Variants in DCAKD observed in about 807,000 individuals in gnomAD.
DCAKD encodes the protein dephospho-CoA kinase domain-containing protein.
In DCAKD, 15 loss-of-function variants were observed where a neutral mutation model predicts 18.7. The observed-to-expected ratio is 0.80, with a 90% confidence interval of 0.54 to 1.24. The LOEUF is 1.24. Among genes scored for constraint, DCAKD ranks in the 50% most tolerant of loss-of-function variants. The pLI, the probability that DCAKD is intolerant of heterozygous loss-of-function variation, is 0.00. For missense variants in DCAKD, 301 were observed against 322.0 expected (o/e 0.93, Z 0.50); for synonymous variants, 130 against 133.0 (o/e 0.98, Z 0.16).
At chr17:45,045,309 C>G (rs1409896311) in intron 1 of DCAKD, among the ~76,000 whole-genome samples, 2 of 152,218 alleles carry the variant, frequency 1.3e-5, no homozygotes, top group African/African-American at 4.8e-5. Flanking sequence ...CTTCACAGCG[C>G]TGACCAACGT....
At chr17:45,053,088 G>A (rs554404279), upstream of DCAKD, among the ~76,000 whole-genome samples, 27 of 146,342 alleles carry the variant, frequency 1.8e-4, 1 homozygote, top group South Asian at 2.4e-3. Flanking sequence ...GCTTGAACCC[G>A]GGAGGTGGAG....
At chr17:45,055,362 G>A (rs1363437481), upstream of DCAKD, among the ~76,000 whole-genome samples, 2 of 149,702 alleles carry the variant, frequency 1.3e-5, no homozygotes, top group African/African-American at 2.5e-5. Flanking sequence ...TTTTCTGTAC[G>A]TTTATTTATT....
chr17:45,040,455 A>C (rs1230333077), intron 1 of DCAKD, among the ~76,000 whole-genome samples: 3 of 151,926 alleles, frequency 2.0e-5, no homozygotes, highest in African/African-American at 7.3e-5. Flanking sequence ...TGGCCTGGGA[A>C]TCTTCCTCCT....
At chr17:45,055,029 G>T (rs568094691), upstream of DCAKD, among the ~76,000 whole-genome samples, 1 of 152,216 alleles carries the variant, frequency 6.6e-6, no homozygotes, top group East Asian at 1.9e-4. Context: ...ATAGGAAAGG[G>T]TGAAGGGCTG....
At chr17:45,058,753 C>CT (rs1038605457) in intron 1 of DCAKD, among the ~76,000 whole-genome samples, 2 of 151,820 alleles carry the variant, frequency 1.3e-5, no homozygotes, top group South Asian at 2.1e-4. Flanking sequence ...TACCTCTGAC[C>CT]CCCCCCTTCC....
intron 1 of DCAKD, among the ~76,000 whole-genome samples, chr17:45,040,102 A>C (rs1438625633): frequency 6.6e-6 from 1 of 150,736 alleles, no homozygotes; most frequent in African/African-American, 2.5e-5. Context: ...CTCAAAAAAA[A>C]AAAGGCCGGG....
At chr17:45,050,436 GA>G (rs1390880672) in intron 1 of DCAKD, among the ~76,000 whole-genome samples, 1 of 152,096 alleles carries the variant, frequency 6.6e-6, no homozygotes, top group Non-Finnish European at 1.5e-5. Flanking sequence ...CAGGCACCAA[GA>G]GGGGCTCGGA....
intron 1 of DCAKD, among the ~76,000 whole-genome samples, chr17:45,036,246 G>C (rs1473177275): frequency 6.6e-6 from 1 of 152,270 alleles, no homozygotes; most frequent in Non-Finnish European, 1.5e-5. Flanking sequence ...GCTGGGCGTA[G>C]TGGCTCACGC....
In DCAKD at chr17:45,030,105, C is replaced by T. The variant is rs150982403; in HGVS notation, c.391G>A (p.Val131Met). The T allele has an allele frequency of 4.5e-5, 73 of 1,613,788 alleles. No individual in the cohort carries two copies. The highest frequency in any genetic ancestry group is 5.8e-5 in the Non-Finnish European group (68 of 1,179,818). ...KKLLKYMKHTVVVYCDRDTQL... is the reference protein window; with the variant it reads ...KKLLKYMKHTMVVYCDRDTQL... ...CTACACACTCACCAGTATACTACCACGGTGTGCTTCATGTACTTGAGCAAC... is the reference window on the plus strand; with the variant it reads ...CTACACACTCACCAGTATACTACCATGGTGTGCTTCATGTACTTGAGCAAC... Residue 131 changes from valine to methionine, a missense_variant, in exon 4 of 5, where the codon GTG becomes ATG. By Grantham distance (21) the Val-to-Met change is conservative. Transcript: ENST00000651974.
In DCAKD at chr17:45,034,355, C is replaced by A; in HGVS notation, c.148G>T (p.Val50Leu). Residue 50 changes from valine (V) to leucine (L), a missense_variant, in exon 3 of 5, where the codon GTA becomes TTA. By Grantham distance (32) the Val-to-Leu change is conservative. Transcript: ENST00000651974. ...QPGYPAHRRI[V>L]EVFGTEVLLE... ...AAGACCTCAGTGCCGAAGACCTCTA[C>A]GATGCGCCGGTGGGCAGGGTATCCT... The A allele has an allele frequency of 6.2e-7, 1 of 1,613,998 alleles. No homozygotes were observed. Among genetic ancestry groups the A allele is most frequent in the Non-Finnish European group, 8.5e-7 (1 of 1,180,048 alleles).
chr17:45,032,811 C>T (rs1331893245), intron 3 of DCAKD, among the ~76,000 whole-genome samples: 1 of 151,728 alleles, frequency 6.6e-6, no homozygotes, highest in Non-Finnish European at 1.5e-5. Context: ...CCTATACCCT[C>T]GTGGAAGGAG....
At chr17:45,049,156 G>A (rs2053635782) in intron 1 of DCAKD, among the ~76,000 whole-genome samples, 1 of 152,006 alleles carries the variant, frequency 6.6e-6, no homozygotes, top group Admixed American at 6.6e-5. Context: ...AAGGAAAAAG[G>A]GCCAAGCATG....
intron 1 of DCAKD, among the ~76,000 whole-genome samples, chr17:45,047,506 T>C (rs947815371): frequency 2.7e-4 from 39 of 142,140 alleles, no homozygotes; most frequent in East Asian, 1.4e-3. Context: ...GCTAGTCTCT[T>C]TTTTTTTTTT....
intron 4 of DCAKD, among the ~76,000 whole-genome samples, chr17:45,029,476 T>G (rs4413004): frequency 1.3e-5 from 2 of 151,986 alleles, no homozygotes; most frequent in Non-Finnish European, 2.9e-5. Context: ...CTCATCTACT[T>G]TCACCCCACT....
chr17:45,050,926 C>T (rs1482509388), intron 1 of DCAKD, among the ~76,000 whole-genome samples: 1 of 152,198 alleles, frequency 6.6e-6, no homozygotes, highest in Non-Finnish European at 1.5e-5. Flanking sequence ...AGTTGGTGGG[C>T]GTGAGATCCA....
At chr17:45,050,893 G>C (rs905527500) in intron 1 of DCAKD, among the ~76,000 whole-genome samples, 2 of 152,234 alleles carry the variant, frequency 1.3e-5, no homozygotes, top group African/African-American at 4.8e-5. Context: ...GAAGAGACGG[G>C]TGGCCGGATG....
chr17:45,055,362 G>GTTTATTTA (rs143325123), upstream of DCAKD, among the ~76,000 whole-genome samples: 7 of 149,702 alleles, frequency 4.7e-5, no homozygotes, highest in African/African-American at 1.7e-4. Context: ...TTTTCTGTAC[G>GTTTATTTA]TTTATTTATT....
chr17:45,035,005 T>C lies in DCAKD; in HGVS notation c.-114-6A>G. 1 of 1,003,252 alleles carries C rather than the reference T, an allele frequency of 1.0e-6. No individual in the cohort carries two copies. Among genetic ancestry groups the C allele is most frequent in the South Asian group, 1.5e-5 (1 of 67,774 alleles). The allele number at this position is 1,003,252 out of a possible 1,614,324, so 62.1% of individuals were successfully genotyped here. On this transcript the variant is annotated splice_region_variant and splice_polypyrimidine_tract_variant and intron_variant, in intron 1 of 4. Transcript: ENST00000651974. ...CAGAGGAGTGCCAGAAGGACCTGCT[T>C]GGGAGAGGCCAGCGGGACTGATCAG...
At chr17:45,038,848 A>G (rs980811035) in intron 1 of DCAKD, among the ~76,000 whole-genome samples, 1 of 150,506 alleles carries the variant, frequency 6.6e-6, no homozygotes, top group Non-Finnish European at 1.5e-5. Flanking sequence ...GCCTTGACAA[A>G]TAACAGCTGT....
Sources: allele counts gnomAD v4.1 joint callset (sites outside exome capture counted in the v4.1 genomes callset), GRCh38; gene constraint gnomAD v4.1.1; transcripts MANE v1.5; gene names NCBI Gene and HGNC (gene_info 2026-07-23, HGNC 2026-07-21).